BASP1: variants seen among roughly 807,000 people sequenced by gnomAD.
The protein encoded by BASP1 is brain abundant membrane attached signal protein 1, also known as brain acid soluble protein 1.
In BASP1, 1 loss-of-function variant was observed where a neutral mutation model predicts 2.2. The ratio of observed to expected loss-of-function variants is 0.46; its 90% CI spans 0.16 to 2.17. The LOEUF is 2.17. BASP1 is among the 30% of genes most tolerant of loss of function. BASP1 has a pLI of 0.27. For synonymous variants in BASP1, 187 were observed against 154.2 expected (o/e 1.21, Z -1.58); for missense variants, 352 against 327.2 (o/e 1.08, Z -0.58).
At chr5:17,270,808 C>T (rs937901110) in intron 1 of BASP1, among the ~76,000 whole-genome samples, 6 of 152,128 alleles carry the variant, frequency 3.9e-5, no homozygotes, top group African/African-American at 1.4e-4. Context: ...CACATGGCCT[C>T]ACATTAAATT....
intron 1 of BASP1, among the ~76,000 whole-genome samples, chr5:17,238,278 C>T (rs1294986546): frequency 1.3e-5 from 2 of 151,994 alleles, no homozygotes; most frequent in Non-Finnish European, 2.9e-5. Flanking sequence ...TCAGTCAATT[C>T]ATTCTACGTA....
At chr5:17,259,162 T>A (rs1475467257) in intron 1 of BASP1, among the ~76,000 whole-genome samples, 1 of 152,152 alleles carries the variant, frequency 6.6e-6, no homozygotes, top group East Asian at 1.9e-4. Flanking sequence ...AAGGCAAGGA[T>A]GAGCAAGTCA....
chr5:17,250,942 G>A (rs958927315), intron 1 of BASP1, among the ~76,000 whole-genome samples: 2 of 129,988 alleles, frequency 1.5e-5, no homozygotes, highest in Admixed American at 1.5e-4. Flanking sequence ...TTGAAGAGTG[G>A]TTTTGAGCGA....
At chr5:17,252,136 A>G (rs549359660) in intron 1 of BASP1, among the ~76,000 whole-genome samples, 1 of 152,276 alleles carries the variant, frequency 6.6e-6, no homozygotes, top group South Asian at 2.1e-4. Flanking sequence ...AGCTAGGTCT[A>G]GGGAGAATTA....
intron 1 of BASP1, among the ~76,000 whole-genome samples, chr5:17,266,338 C>T (rs984952843): frequency 3.3e-5 from 5 of 152,172 alleles, no homozygotes; most frequent in African/African-American, 1.2e-4. Context: ...AAATGAGAGG[C>T]ATTTTTTCTG....
At chr5:17,226,931 CTTTTTTTTTTTTTTCT>C (rs1254976000) in intron 1 of BASP1, among the ~76,000 whole-genome samples, 2 of 144,732 alleles carry the variant, frequency 1.4e-5, no homozygotes, top group Admixed American at 6.9e-5. Flanking sequence ...ACTCATTTTT[CTTTTTTTTTTTTTTCT>C]TTTTTTCGTT....
chr5:17,257,525 C>G (rs540152257), intron 1 of BASP1, among the ~76,000 whole-genome samples: 1 of 152,268 alleles, frequency 6.6e-6, no homozygotes, highest in South Asian at 2.1e-4. Context: ...GTGAGCTGAA[C>G]TATATCCTTT....
chr5:17,243,250 G>A (rs1739907215), intron 1 of BASP1, among the ~76,000 whole-genome samples: 1 of 151,928 alleles, frequency 6.6e-6, no homozygotes, highest in Non-Finnish European at 1.5e-5. Context: ...CTGGGTTCAA[G>A]CAATTCTTGT....
Position 17,276,055 on chromosome 5 carries a change from TAA to T in BASP1, c.*156_*157del. On this transcript the variant is annotated 3_prime_UTR_variant, in exon 2 of 2. Coordinates refer to ENST00000322611, the MANE Select transcript of BASP1 (RefSeq NM_006317.5). ...ATACTAACTTGTTTCAAATTGGAAG[TAA>T]TGATATGTATTGCCCAAGGAAAAAT... 1.7e-6 allele frequency: 1 copy of T among 595,108 alleles called. No homozygotes were observed. The highest frequency in any genetic ancestry group is 2.6e-6 in the Non-Finnish European group (1 of 389,638). The allele number at this position is 595,108 out of a possible 1,614,324, so 36.9% of individuals were successfully genotyped here. A position where few individuals can be genotyped will look rare whatever the true frequency, so the allele number is the denominator to read the frequency against.
In BASP1 at chr5:17,241,844, G is replaced by A. The variant is rs186789538; in HGVS notation, c.-10+24034G>A. On this transcript the variant is annotated intron_variant, in intron 1 of 1. Transcript: ENST00000322611. ...CCAACCAAGAGCTGCAGGATTTAAGGACAAGGCTGCAAAACAAGTACGTGG... is the reference window on the plus strand; with the variant it reads ...CCAACCAAGAGCTGCAGGATTTAAGAACAAGGCTGCAAAACAAGTACGTGG... Among the ~76,000 whole-genome samples, 606 of 152,260 alleles carry A rather than the reference G, an allele frequency of 4.0e-3. 3 individuals carry two copies. The highest frequency in any genetic ancestry group is 6.2e-3 in the Non-Finnish European group (423 of 68,026).
chr5:17,247,580 C>T (rs1048807779), intron 1 of BASP1, among the ~76,000 whole-genome samples: 21 of 152,102 alleles, frequency 1.4e-4, no homozygotes, highest in Admixed American at 9.2e-4. Context: ...CCTCTATGCA[C>T]GAATGCTGCT....
chr5:17,241,510 C>T (rs902205248), intron 1 of BASP1, among the ~76,000 whole-genome samples: 4 of 152,172 alleles, frequency 2.6e-5, no homozygotes, highest in Non-Finnish European at 5.9e-5. Context: ...GGTTACGTAG[C>T]CAGTGTAACC....
intron 1 of BASP1, among the ~76,000 whole-genome samples, chr5:17,263,544 C>A (rs1740360994): frequency 6.6e-6 from 1 of 152,186 alleles, no homozygotes. Context: ...TCCCCAAAGA[C>A]CCTGTGCCAG....
intron 1 of BASP1, among the ~76,000 whole-genome samples, chr5:17,265,393 C>T (rs1740398719): frequency 2.0e-5 from 3 of 152,178 alleles, no homozygotes; most frequent in Admixed American, 2.0e-4. Context: ...AAATGGTGAG[C>T]CTCTGCATAT....
chr5:17,275,528 C>A lies in BASP1; in HGVS notation c.312C>A (p.Pro104=). 7.0e-7 allele frequency: 1 copy of A among 1,426,836 alleles called. No individual in the cohort carries two copies. The allele number at this position is 1,426,836 out of a possible 1,614,324, so 88.4% of individuals were successfully genotyped here. ...AEAKAEPPKA[P]EQEQAAPGPA... ...CCAAGGCTGAGCCCCCGAAGGCGCC[C>A]GAGCAGGAGCAGGCGGCCCCCGGCC... The change falls in exon 2 of 2, where the codon CCC becomes CCA. Residue 104 remains proline (P), a synonymous_variant. Transcript: ENST00000322611. This position sits in a 1 kb window ranked among gnomAD's most constrained non-coding sequence, Gnocchi z 5.3.
At chr5:17,273,456 A>G (rs1245630960) in intron 1 of BASP1, among the ~76,000 whole-genome samples, 1 of 152,186 alleles carries the variant, frequency 6.6e-6, no homozygotes, top group Non-Finnish European at 1.5e-5. Flanking sequence ...TTTCTTGAGA[A>G]TATGAATAGT....
intron 1 of BASP1, among the ~76,000 whole-genome samples, chr5:17,252,253 G>A (rs1425732042): frequency 2.0e-5 from 3 of 152,008 alleles, no homozygotes; most frequent in Non-Finnish European, 2.9e-5. Flanking sequence ...TGGAAACATC[G>A]CAAACATGAA....
intron 1 of BASP1, among the ~76,000 whole-genome samples, chr5:17,230,164 G>A (rs1265741475): frequency 6.6e-6 from 1 of 152,192 alleles, no homozygotes; most frequent in African/African-American, 2.4e-5. Context: ...CAGAAGAGTT[G>A]ACCAGATGCC....
intron 1 of BASP1, among the ~76,000 whole-genome samples, chr5:17,231,195 A>G (rs182812159): frequency 2.0e-4 from 31 of 152,322 alleles, no homozygotes; most frequent in African/African-American, 7.0e-4. Flanking sequence ...TCTATTTTCA[A>G]TGCAATGTCA....
Sources: gnomAD v4.1 joint callset for allele counts (sites outside exome capture counted in the v4.1 genomes callset) on GRCh38, gnomAD v4.1.1 for gene constraint, Gnocchi (gnomAD v3.1) non-coding constraint, MANE v1.5 for transcripts, NCBI Gene and HGNC (gene_info 2026-07-23, HGNC 2026-07-21) for gene names.